Variants in ALG6 observed in about 807,000 individuals in gnomAD.
The protein encoded by ALG6 is dolichyl pyrophosphate Man9GlcNAc2 alpha-1,3-glucosyltransferase.
A neutral mutation model predicts 66.6 loss-of-function variants in ALG6; 46 were observed. The ratio of observed to expected loss-of-function variants is 0.69; its 90% CI spans 0.55 to 0.88. ALG6 has a LOEUF of 0.88. ALG6 is among the 40% of genes least tolerant of loss of function. The probability of loss-of-function intolerance (pLI) is 0.00; values close to 1 mark genes in which losing one functional copy is unlikely to be tolerated. For synonymous variants in ALG6, 185 were observed against 203.7 expected, an observed-to-expected ratio of 0.91 and a Z score of 0.78; for missense variants, 505 against 586.8, an observed-to-expected ratio of 0.86 and a Z score of 1.44.
intron 2 of ALG6, among the ~76,000 whole-genome samples, chr1:63,393,202 T>C (rs1300177870): frequency 6.6e-6 from 1 of 152,200 alleles, no homozygotes; most frequent in Non-Finnish European, 1.5e-5. Context: ...TAGAAACTTA[T>C]ATCCCTCCCT....
chr1:63,390,930 T>A (rs1382012203), intron 2 of ALG6, among the ~76,000 whole-genome samples: 1 of 152,200 alleles, frequency 6.6e-6, no homozygotes, highest in Non-Finnish European at 1.5e-5. Context: ...AGTGCCTCTT[T>A]CCTTGATATG....
rs1644692300 is a variant in ALG6 at position 63,437,569 on chromosome 1, T to A, written c.*549T>A. ...ATCTTTTTAATTACTGAGAAGGCAA[T>A]TTAAACTGCTTGAAGTTTGAATATG... On this transcript the variant is annotated 3_prime_UTR_variant, in exon 15 of 15. Transcript: ENST00000263440. 6.5e-6 allele frequency: 1 copy of A among 153,086 alleles called. No homozygotes were observed. The highest frequency in any genetic ancestry group is 1.5e-5 in the Non-Finnish European group (1 of 68,708). The allele number at this position is 153,086 out of a possible 1,614,324, so 9.5% of individuals were successfully genotyped here.
chr1:63,378,279 A>G (rs1395819842), intron 2 of ALG6, among the ~76,000 whole-genome samples: 1 of 152,124 alleles, frequency 6.6e-6, no homozygotes, highest in African/African-American at 2.4e-5. Flanking sequence ...TAGTATTTTG[A>G]AAATACCATT....
In ALG6 at chr1:63,433,280, G is replaced by A. The variant is rs1418065400; in HGVS notation, c.1327-3543G>A. 2.0e-5 allele frequency among the ~76,000 whole-genome samples: 3 copies of A among 152,164 alleles called. No individual in the cohort carries two copies. The highest frequency in any genetic ancestry group is 7.2e-5 in the African/African-American group (3 of 41,424). ...TATTTATATTTTTGAGTACTACATAGAGGATTGCCCAAAGTACCCAGATAA... is the reference window on the plus strand; with the variant it reads ...TATTTATATTTTTGAGTACTACATAAAGGATTGCCCAAAGTACCCAGATAA... On this transcript the variant is annotated intron_variant, in intron 14 of 14. Coordinates refer to ENST00000263440, the MANE Select transcript of ALG6 (RefSeq NM_013339.4). The surrounding 1 kb of genome is among the most constrained non-coding windows in gnomAD (Gnocchi z 4.2).
Position 63,429,004 on chromosome 1 carries a change from G to A in ALG6, c.1204G>A (p.Val402Ile), listed in dbSNP as rs1212756714. 6 of 1,611,622 alleles carry A rather than the reference G, an allele frequency of 3.7e-6. No homozygotes were observed. The Admixed American group carries it at 5.0e-5, about 13-fold the overall frequency. The change falls in exon 14 of 15, where the codon GTA (valine) becomes ATA (isoleucine). Residue 402 changes from valine to isoleucine, a missense_variant. Physicochemically the swap from Val to Ile is conservative, Grantham distance 29. Coordinates refer to ENST00000263440, the MANE Select transcript of ALG6 (RefSeq NM_013339.4). ...AACAATGGCATTTTTTATAGCTTGTGTAACTTCCTTTTCAATATTTGAAAA... is the reference window on the plus strand; with the variant it reads ...AACAATGGCATTTTTTATAGCTTGTATAACTTCCTTTTCAATATTTGAAAA... ...VTTMAFFIAC[V>I]TSFSIFEKTS...
intron 2 of ALG6, among the ~76,000 whole-genome samples, chr1:63,381,220 C>A (rs577498078): frequency 6.6e-6 from 1 of 152,096 alleles, no homozygotes; most frequent in South Asian, 2.1e-4. Flanking sequence ...TTTGGGAGGC[C>A]GAGGCAGGCG....
At position 63,404,502 on chromosome 1, in the gene ALG6, T is replaced by C. The variant is rs1209121438; in HGVS notation, c.307T>C (p.Tyr103His). ...GATTGCTCTCCATACATCACGTGGA[T>C]ATGAGAGTCAGGCACATAAGCTCTT... ...DWIALHTSRG[Y>H]ESQAHKLFMR... The change falls in exon 5 of 15, where the codon TAT becomes CAT. Residue 103 changes from tyrosine (Y) to histidine (H), a missense_variant. By Grantham distance (83) the Tyr-to-His change is moderately conservative (BLOSUM62 2). Transcript: ENST00000263440. 3 of 1,613,754 alleles carry C rather than the reference T, an allele frequency of 1.9e-6. No homozygotes were observed. The highest frequency in any genetic ancestry group is 2.5e-6 in the Non-Finnish European group (3 of 1,179,742).
At chr1:63,376,975 CT>C (rs922478436) in intron 2 of ALG6, among the ~76,000 whole-genome samples, 12 of 148,220 alleles carry the variant, frequency 8.1e-5, no homozygotes, top group African/African-American at 1.7e-4. Context: ...AATTGTTTTT[CT>C]TTTTTTTTTG....
At chr1:63,419,789 G>A (rs1048665978) in intron 12 of ALG6, among the ~76,000 whole-genome samples, 2 of 151,876 alleles carry the variant, frequency 1.3e-5, no homozygotes, top group African/African-American at 4.8e-5. Context: ...ACATCTATTC[G>A]GTAGCCTTCT....
chr1:63,432,769 T>C (rs1031553264), intron 14 of ALG6, among the ~76,000 whole-genome samples: 7 of 152,176 alleles, frequency 4.6e-5, no homozygotes, highest in Non-Finnish European at 8.8e-5. Flanking sequence ...ACAAATGTTA[T>C]GAAGTTGTTG....
chr1:63,399,763 T>C (rs113743165), intron 3 of ALG6, among the ~76,000 whole-genome samples: 2 of 152,162 alleles, frequency 1.3e-5, no homozygotes, highest in Admixed American at 6.5e-5. Context: ...ATGGTAACAC[T>C]CTTGAATGTA....
At chr1:63,422,310 T>TATATAA (rs1557595146) in intron 12 of ALG6, among the ~76,000 whole-genome samples, 8 of 79,002 alleles carry the variant, frequency 1.0e-4, no homozygotes, top group African/African-American at 4.9e-4. Context: ...TATAAATATA[T>TATATAA]ATCTATATAT....
rs754695008 is a variant in ALG6, at chr1:63,394,870, C to CT, written c.83-1629dup. 1.9e-3 allele frequency among the ~76,000 whole-genome samples: 260 copies of CT among 139,486 alleles called. 1 individual carries two copies. The highest frequency in any genetic ancestry group is 3.8e-3 in the Middle Eastern group (1 of 266). The allele number at this position is 139,486 out of a possible 152,430, so 91.5% of individuals were successfully genotyped here. ...TATAATGATAATACCTATTTCTTTTCTTTTTTTTTTTTTTGGATGGAGTCT... is the reference window on the plus strand; with the variant it reads ...TATAATGATAATACCTATTTCTTTTCTTTTTTTTTTTTTTTGGATGGAGTCT... On this transcript the variant is annotated intron_variant, in intron 2 of 14. Transcript: ENST00000263440.
At chr1:63,421,159 A>G (rs1570079725) in intron 12 of ALG6, among the ~76,000 whole-genome samples, 1 of 152,050 alleles carries the variant, frequency 6.6e-6, no homozygotes, top group African/African-American at 2.4e-5. Flanking sequence ...GGATGCAGGT[A>G]GCGGTTGCAA....
chr1:63,412,055 A>T lies in ALG6; in HGVS notation c.810A>T (p.Leu270Phe), dbSNP rs776117879. The change falls in exon 9 of 15, where the codon TTA (leucine) becomes TTT (phenylalanine). Residue 270 changes from leucine to phenylalanine, a missense_variant. Physicochemically the swap from Leu to Phe is conservative, Grantham distance 22. Transcript: ENST00000263440. ...LRRLFPVDRG[L>F]FEDKVANIWC... ...GACTCTTCCCGGTTGATCGTGGATT[A>T]TTTGAGGCATGTTTAAACACTTTCC... 6.2e-7 allele frequency: 1 copy of T among 1,614,060 alleles called. No individual in the cohort carries two copies. The highest frequency in any genetic ancestry group is 8.5e-7 in the Non-Finnish European group (1 of 1,179,976).
intron 3 of ALG6, among the ~76,000 whole-genome samples, chr1:63,398,876 T>C (rs1644427952): frequency 6.6e-6 from 1 of 152,206 alleles, no homozygotes; most frequent in Non-Finnish European, 1.5e-5. Context: ...TAAATAGTTA[T>C]ACTAATTTTC....
rs76013640 is a variant in ALG6 at position 63,404,557 on chromosome 1, G to T, written c.346+16G>T. The T allele has an allele frequency of 6.7e-5, 107 of 1,607,858 alleles. No homozygotes were observed. Among genetic ancestry groups the T allele is most frequent in the Middle Eastern group, 1.6e-4 (1 of 6,072 alleles). On this transcript the variant is annotated intron_variant, in intron 5 of 14. Coordinates refer to ENST00000263440, the MANE Select transcript of ALG6 (RefSeq NM_013339.4). ...CGTACAACAGGTAAAAGAGCAATGG[G>T]TAGTGAATATAAAATTTGATTTTTT... is the stretch of plus-strand genomic sequence containing the variant.
chr1:63,422,162 TATA>T (rs1362782184), intron 12 of ALG6, among the ~76,000 whole-genome samples: 1 of 123,812 alleles, frequency 8.1e-6, no homozygotes, highest in Non-Finnish European at 1.6e-5. Flanking sequence ...TAAATATATA[TATA>T]ACTATGAATT....
At position 63,422,094 on chromosome 1, in the gene ALG6, AATATATAAATATAAAT is replaced by A. The variant is rs1335239787; in HGVS notation, c.1058+2668_1058+2683del. Among the ~76,000 whole-genome samples the A allele has an allele frequency of 4.4e-4, 52 of 117,940 alleles. 1 individual carries two copies. Among genetic ancestry groups the A allele is most frequent in the Admixed American group, 2.3e-3 (24 of 10,220 alleles). The allele number at this position is 117,940 out of a possible 152,430, so 77.4% of individuals were successfully genotyped here. A position where few individuals can be genotyped will look rare whatever the true frequency, so the allele number is the denominator to read the frequency against. On this transcript the variant is annotated intron_variant, in intron 12 of 14. Coordinates refer to ENST00000263440, the MANE Select transcript of ALG6 (RefSeq NM_013339.4). The stretch of plus-strand genomic sequence containing the variant: ...AAATATCTATATAAATAAATATATA[AATATATAAATATAAAT>A]ATATATAAATATATAAATAAATATA...
Sources: allele counts gnomAD v4.1 joint callset (sites outside exome capture counted in the v4.1 genomes callset), GRCh38; gene constraint gnomAD v4.1.1; non-coding constraint Gnocchi (gnomAD v3.1); transcripts MANE v1.5; gene names NCBI Gene and HGNC (gene_info 2026-07-23, HGNC 2026-07-21).